Variants in KIAA1549L observed in about 807,000 individuals in gnomAD.
KIAA1549L encodes the protein UPF0606 protein KIAA1549L.
In KIAA1549L, 88 loss-of-function variants were observed where a neutral mutation model predicts 160.7. The ratio of observed to expected loss-of-function variants is 0.55; its 90% CI spans 0.46 to 0.65. The LOEUF is 0.65. KIAA1549L is among the 30% of genes least tolerant of loss of function. The pLI, the probability that KIAA1549L is intolerant of heterozygous loss-of-function variation, is 0.00. For missense variants in KIAA1549L, 2,258 were observed against 2,437.5 expected (o/e 0.93, Z 1.55); for synonymous variants, 950 against 976.7 (o/e 0.97, Z 0.51).
At chr11:33,556,106 A>G (rs1854638475) in intron 6 of KIAA1549L, among the ~76,000 whole-genome samples, 1 of 152,248 alleles carries the variant, frequency 6.6e-6, no homozygotes, top group Non-Finnish European at 1.5e-5. Context: ...CAAAACCATG[A>G]GATACCTATT....
chr11:33,611,871 G>T (rs972246004), intron 15 of KIAA1549L, among the ~76,000 whole-genome samples: 1 of 152,178 alleles, frequency 6.6e-6, no homozygotes, highest in African/African-American at 2.4e-5. Flanking sequence ...TTCAGTTAAG[G>T]CTTTTTATGA....
chr11:33,664,393 G>A (rs1042396899), intron 20 of KIAA1549L, among the ~76,000 whole-genome samples: 2 of 152,190 alleles, frequency 1.3e-5, no homozygotes, highest in Non-Finnish European at 2.9e-5. Context: ...TGCCTTCTCA[G>A]GAGGGATCAC....
At chr11:33,598,735 T>A (rs897909160) in intron 12 of KIAA1549L, 85 bp from the exon 13 acceptor site, 2 of 1,498,036 alleles carry the variant, frequency 1.3e-6, no homozygotes, top group East Asian at 4.6e-5. Context: ...GCTACAGACA[T>A]TAAACTGTGC....
At chr11:33,621,382 C>T (rs1404668770) in intron 16 of KIAA1549L, among the ~76,000 whole-genome samples, 9 of 152,146 alleles carry the variant, frequency 5.9e-5, no homozygotes, top group Non-Finnish European at 8.8e-5. Flanking sequence ...AGTACACTCC[C>T]GGCACTAACA....
chr11:33,385,126 A>T (rs563476345), intron 1 of KIAA1549L, among the ~76,000 whole-genome samples: 1 of 152,196 alleles, frequency 6.6e-6, no homozygotes, highest in East Asian at 1.9e-4. Flanking sequence ...TCTGTGATCC[A>T]TTTCATGTTT....
intron 1 of KIAA1549L, among the ~76,000 whole-genome samples, chr11:33,499,119 A>G (rs1051019893): frequency 2.0e-5 from 3 of 152,160 alleles, no homozygotes; most frequent in African/African-American, 7.2e-5. Context: ...TGCATAGAAA[A>G]GGTCCTCCTT....
intron 1 of KIAA1549L, among the ~76,000 whole-genome samples, chr11:33,391,367 A>G (rs1460461421): frequency 1.3e-5 from 2 of 152,090 alleles, no homozygotes; most frequent in Non-Finnish European, 2.9e-5. Context: ...CATGTTTCAA[A>G]CCTAGGGATG....
chr11:33,465,233 T>A (rs921968533), intron 1 of KIAA1549L, among the ~76,000 whole-genome samples: 3 of 151,996 alleles, frequency 2.0e-5, no homozygotes, highest in Admixed American at 2.0e-4. Flanking sequence ...TTTTGTATTT[T>A]TAGTGGAGAC....
At chr11:33,437,679 G>A (rs188032986) in intron 1 of KIAA1549L, among the ~76,000 whole-genome samples, 118 of 152,270 alleles carry the variant, frequency 7.7e-4, no homozygotes, top group Non-Finnish European at 1.6e-3. Context: ...CCTCCTATTG[G>A]TGGGGCCTCC....
intron 1 of KIAA1549L, among the ~76,000 whole-genome samples, chr11:33,379,757 C>T (rs920648059): frequency 2.2e-4 from 34 of 152,160 alleles, no homozygotes; most frequent in Non-Finnish European, 3.8e-4. Flanking sequence ...GAGGATTACA[C>T]GAGTTAAAGC....
rs111928626 is a variant in KIAA1549L, at chr11:33,500,059, T to C, written c.239-41743T>C. ...AGATATTTGGCAATTAATTCTCACC[T>C]TAGTGTTCTGTTGCCTTCTACCTCT... On this transcript the variant is annotated intron_variant, in intron 1 of 20. Transcript: ENST00000658780. Among the ~76,000 whole-genome samples, 195 of 152,306 alleles carry C rather than the reference T, an allele frequency of 1.3e-3. 4 individuals carry two copies. The highest frequency in any genetic ancestry group is 4.5e-3 in the African/African-American group (188 of 41,580).
chr11:33,486,699 C>T (rs1308209155), intron 1 of KIAA1549L, among the ~76,000 whole-genome samples: 4 of 152,060 alleles, frequency 2.6e-5, no homozygotes, highest in Non-Finnish European at 4.4e-5. Flanking sequence ...TCATTGCCTA[C>T]GTCTAGCCAT....
chr11:33,387,725 G>A (rs866668210), intron 1 of KIAA1549L, among the ~76,000 whole-genome samples: 1 of 152,158 alleles, frequency 6.6e-6, no homozygotes, highest in African/African-American at 2.4e-5. Context: ...ACCCCTGGCT[G>A]TTACCAAATC....
At chr11:33,572,842 T>C (rs574809432) in intron 9 of KIAA1549L, among the ~76,000 whole-genome samples, 10 of 152,326 alleles carry the variant, frequency 6.6e-5, no homozygotes, top group Non-Finnish European at 1.2e-4. Context: ...GTTCTTAGGG[T>C]TGGTGTACAT....
chr11:33,544,220 C>T lies in KIAA1549L; in HGVS notation c.2657C>T (p.Pro886Leu). The change falls in exon 2 of 21, where the codon CCA becomes CTA. Residue 886 changes from proline (P) to leucine (L), a missense_variant. Pro to Leu is a moderately conservative substitution (Grantham distance 98). This residue lies in a region of KIAA1549L where 287 missense variants were observed against 292.3 expected (regional missense o/e 0.98). Transcript: ENST00000658780. ...NSSPERNASTPFQNILGYHSA... is the reference protein window; with the variant it reads ...NSSPERNASTLFQNILGYHSA... The stretch of plus-strand genomic sequence containing the variant: ...TCACCTGAGAGAAATGCTTCCACAC[C>T]ATTCCAGAACATCTTGGGATATCAC... 2 of 1,613,994 alleles carry T rather than the reference C, an allele frequency of 1.2e-6. No homozygotes were observed. The highest frequency in any genetic ancestry group is 1.7e-6 in the Non-Finnish European group (2 of 1,179,872).
chr11:33,472,267 A>T (rs1852195593), intron 1 of KIAA1549L, among the ~76,000 whole-genome samples: 1 of 142,918 alleles, frequency 7.0e-6, no homozygotes, highest in Admixed American at 7.1e-5. Flanking sequence ...CACATGCCTC[A>T]TGCCTGGCTT....
intron 1 of KIAA1549L, among the ~76,000 whole-genome samples, chr11:33,472,840 T>C (rs1299015619): frequency 1.3e-5 from 2 of 152,224 alleles, no homozygotes; most frequent in African/African-American, 4.8e-5. Context: ...TTCACCTTAC[T>C]AGTTGCTGCA....
rs1364214898 is a variant in KIAA1549L, at chr11:33,614,576, A to T, written c.5280-3957A>T. ...TATATATATATATATATATATATAT[A>T]TATATATATTTTTTTTTTTTTTTTT... On this transcript the variant is annotated intron_variant, in intron 15 of 20. Transcript: ENST00000658780. Among the ~76,000 whole-genome samples, 36 of 12,116 alleles carry T rather than the reference A, an allele frequency of 3.0e-3. 3 individuals are homozygous for T. The highest frequency in any genetic ancestry group is 0.017 in the African/African-American group (19 of 1,104). 7.9% of individuals were successfully genotyped at this position (12,116 alleles called of 152,430 possible).
rs142742772 is a variant in KIAA1549L, at chr11:33,666,095, C to T, written c.6160-1778C>T. ...GGCAGATCCTGCCTGCTTCTGGCCC[C>T]CTCCAAATCCACAGGGAGGCTCGAA... On this transcript the variant is annotated intron_variant, in intron 20 of 20. Coordinates refer to ENST00000658780, the MANE Select transcript of KIAA1549L (RefSeq NM_012194.3). Among the ~76,000 whole-genome samples the T allele has an allele frequency of 6.8e-3, 1,040 of 152,174 alleles. 16 individuals are homozygous for T. Among genetic ancestry groups the T allele is most frequent in the African/African-American group, 0.024 (990 of 41,526 alleles).
Sources: gnomAD v4.1 joint callset for allele counts (sites outside exome capture counted in the v4.1 genomes callset) on GRCh38, gnomAD v4.1.1 for gene constraint, gnomAD v4.1.1 regional missense constraint, MANE v1.5 for transcripts, NCBI Gene and HGNC (gene_info 2026-07-23, HGNC 2026-07-21) for gene names.